Variants in KIRREL3 observed in about 807,000 individuals in gnomAD.
KIRREL3 encodes kirre like nephrin family adhesion molecule 3, also known as kin of IRRE-like protein 3.
In KIRREL3, 36 loss-of-function variants were observed where a neutral mutation model predicts 89.7. The ratio of observed to expected loss-of-function variants is 0.40; its 90% CI spans 0.31 to 0.53. KIRREL3 has a LOEUF of 0.53. Among genes scored for constraint, KIRREL3 ranks in the 20% least tolerant of loss-of-function variants. The probability of loss-of-function intolerance (pLI) is 0.49; values close to 1 mark genes in which losing one functional copy is unlikely to be tolerated. For synonymous variants in KIRREL3, 445 were observed against 441.4 expected (o/e 1.01, Z -0.10); for missense variants, 864 against 1,056.6 (o/e 0.82, Z 2.53).
intron 1 of KIRREL3, among the ~76,000 whole-genome samples, chr11:126,838,965 G>C (rs951090264): frequency 2.0e-5 from 3 of 152,148 alleles, no homozygotes; most frequent in African/African-American, 7.2e-5. Flanking sequence ...ACAGTGCTGT[G>C]GCTGGAGAGA....
intron 2 of KIRREL3, among the ~76,000 whole-genome samples, chr11:126,545,319 C>T (rs1004959094): frequency 1.3e-5 from 2 of 152,108 alleles, no homozygotes; most frequent in African/African-American, 2.4e-5. Context: ...CAAGGGGAGC[C>T]GTCTTTGCCT....
rs1194949214 is a variant in KIRREL3, at chr11:126,652,965, A to T, written c.56-90053T>A. On this transcript the variant is annotated intron_variant, in intron 1 of 16. Transcript: ENST00000525144. The surrounding 1 kb of genome is among the most constrained non-coding windows in gnomAD (Gnocchi z 4.9). ...AGTTTAATTTATATTTGATTAAAAA[A>T]GTCATTCATTCATGCATTCAGCAGC... 1 of 152,118 alleles carries T rather than the reference A, an allele frequency of 6.6e-6. No homozygotes were observed. The highest frequency in any genetic ancestry group is 2.1e-4 in the South Asian group (1 of 4,824). The allele number at this position is 152,118 out of a possible 1,614,324, so 9.4% of individuals were successfully genotyped here. A position where few individuals can be genotyped will look rare whatever the true frequency, so the allele number is the denominator to read the frequency against.
At position 126,763,639 on chromosome 11, in the gene KIRREL3, G is replaced by A. The variant is rs990507809; in HGVS notation, c.56-200727C>T. The stretch of plus-strand genomic sequence containing the variant: ...GTAGGCAATGGCCAGTGGGGCCAGC[G>A]CGGGTTTGAAATCTATCTTCCCCAT... On this transcript the variant is annotated intron_variant, in intron 1 of 16. Transcript: ENST00000525144. This position sits in a 1 kb window ranked among gnomAD's most constrained non-coding sequence, Gnocchi z 4.7. Among the ~76,000 whole-genome samples the A allele has an allele frequency of 4.6e-5, 7 of 152,168 alleles. No individual in the cohort carries two copies. Among genetic ancestry groups the A allele is most frequent in the East Asian group, 1.9e-4 (1 of 5,192 alleles).
At chr11:126,450,321 G>A (rs947524719) in intron 7 of KIRREL3, among the ~76,000 whole-genome samples, 2 of 151,306 alleles carry the variant, frequency 1.3e-5, no homozygotes, top group Non-Finnish European at 2.9e-5. Flanking sequence ...ATGTGCACGT[G>A]TGCATGTGTG....
intron 12 of KIRREL3, 104 bp from the exon 13 acceptor site, chr11:126,435,407 T>A: frequency 1.7e-6 from 2 of 1,152,266 alleles, no homozygotes; most frequent in Non-Finnish European, 2.6e-6. Flanking sequence ...GGGGCTCCTT[T>A]CCCAGTCATG....
At chr11:126,789,472 C>T (rs1323866168) in intron 1 of KIRREL3, among the ~76,000 whole-genome samples, 4 of 152,194 alleles carry the variant, frequency 2.6e-5, no homozygotes, top group Non-Finnish European at 5.9e-5. Flanking sequence ...CTCTGTATCC[C>T]CTCCTAGAAA....
intron 1 of KIRREL3, among the ~76,000 whole-genome samples, chr11:126,806,921 G>A (rs1285418058): frequency 1.3e-5 from 2 of 152,018 alleles, no homozygotes; most frequent in African/African-American, 4.8e-5. Context: ...TTATGAGTGA[G>A]AACATGTGGT....
chr11:126,580,592 C>A (rs111674868), intron 1 of KIRREL3, among the ~76,000 whole-genome samples: 8 of 152,174 alleles, frequency 5.3e-5, no homozygotes, highest in African/African-American at 1.7e-4. Flanking sequence ...TGTGATGGAG[C>A]CTCTAGTTCG....
In KIRREL3 at chr11:126,526,792, C is replaced by T. The variant is rs901409912; in HGVS notation, c.134-105G>A. On this transcript the variant is annotated intron_variant, in intron 2 of 16. Coordinates refer to ENST00000525144, the MANE Select transcript of KIRREL3 (RefSeq NM_032531.4). The surrounding 1 kb of genome is among the most constrained non-coding windows in gnomAD (Gnocchi z 5.7). ...AGCAGGGCTGGCGCAGGAGACTGAG[C>T]CTCCTGAAGCACCTGGCTTTCCTGC... 4.0e-5 allele frequency: 49 copies of T among 1,233,378 alleles called. 2 individuals carry two copies. In the Admixed American group the frequency reaches 1.0e-3, roughly 26 times the overall value. The allele number at this position is 1,233,378 out of a possible 1,614,324, so 76.4% of individuals were successfully genotyped here.
At chr11:126,437,721 T>C (rs966482233) in intron 11 of KIRREL3, among the ~76,000 whole-genome samples, 1 of 151,992 alleles carries the variant, frequency 6.6e-6, no homozygotes, top group African/African-American at 2.4e-5. Flanking sequence ...CCGAAATACA[T>C]GTACACATGC....
At position 127,000,484 on chromosome 11, in the gene KIRREL3, A is replaced by G. The variant is rs960778002; in HGVS notation, c.26T>C (p.Leu9Pro). 1 of 1,608,408 alleles carries G rather than the reference A, an allele frequency of 6.2e-7. No individual in the cohort carries two copies. Among genetic ancestry groups the G allele is most frequent in the African/African-American group, 1.3e-5 (1 of 74,950 alleles). Residue 9 changes from leucine (L) to proline (P), a missense_variant, in exon 1 of 17, where the codon CTC (leucine) becomes CCC (proline). Coordinates refer to ENST00000525144, the MANE Select transcript of KIRREL3 (RefSeq NM_032531.4). The surrounding 1 kb of genome is among the most constrained non-coding windows in gnomAD (Gnocchi z 7.1). ...ACTGAAGAGGAAGAAGCAGACGAAG[A>G]GCAGATCGAGCTGGAAGGGTTTCAT... MKPFQLDL[L>P]FVCFFLFSQE...
rs1486303640 is a variant in KIRREL3 at position 126,924,765 on chromosome 11, C to G, written c.55+75690G>C. On this transcript the variant is annotated intron_variant, in intron 1 of 16. Coordinates refer to ENST00000525144, the MANE Select transcript of KIRREL3 (RefSeq NM_032531.4). The surrounding 1 kb of genome is among the most constrained non-coding windows in gnomAD (Gnocchi z 4.7). Reference sequence around the variant, plus strand: ...TTGGCCAAGGTGATTAACTGGATGCCTGCTGTGTGCTCATCCCTGCCCCAT... The same window carrying G: ...TTGGCCAAGGTGATTAACTGGATGCGTGCTGTGTGCTCATCCCTGCCCCAT... 1.3e-5 allele frequency among the ~76,000 whole-genome samples: 2 copies of G among 152,142 alleles called. No individual in the cohort carries two copies. The highest frequency in any genetic ancestry group is 1.3e-4 in the Admixed American group (2 of 15,276).
At chr11:126,767,648 T>TTTCC (rs967126428) in intron 1 of KIRREL3, among the ~76,000 whole-genome samples, 23 of 152,294 alleles carry the variant, frequency 1.5e-4, no homozygotes, top group African/African-American at 4.6e-4. Flanking sequence ...TACATGTTAG[T>TTTCC]TTCCTTCCTT....
Position 126,904,729 on chromosome 11 carries a change from A to C in KIRREL3, c.55+95726T>G, listed in dbSNP as rs1175348106. On this transcript the variant is annotated intron_variant, in intron 1 of 16. Transcript: ENST00000525144. This position sits in a 1 kb window ranked among gnomAD's most constrained non-coding sequence, Gnocchi z 4.4. Reference sequence around the variant, plus strand: ...GGGGTCAAAGGAGGAAGTATGCATAATGTACATATTTAATCTTGTCTCGTC... The same window carrying C: ...GGGGTCAAAGGAGGAAGTATGCATACTGTACATATTTAATCTTGTCTCGTC... 6.6e-6 allele frequency among the ~76,000 whole-genome samples: 1 copy of C among 152,188 alleles called. No homozygotes were observed. Among genetic ancestry groups the C allele is most frequent in the Non-Finnish European group, 1.5e-5 (1 of 68,026 alleles).
chr11:126,522,951 A>G lies in KIRREL3; in HGVS notation c.284-1487T>C, dbSNP rs1373482409. The stretch of plus-strand genomic sequence containing the variant: ...GAGACGGGACACATTCAGCCTTTTA[A>G]AGAGAAGATGAGGGCTTAAGCAAGT... On this transcript the variant is annotated intron_variant, in intron 3 of 16. Coordinates refer to ENST00000525144, the MANE Select transcript of KIRREL3 (RefSeq NM_032531.4). This position sits in a 1 kb window ranked among gnomAD's most constrained non-coding sequence, Gnocchi z 6.0. Among the ~76,000 whole-genome samples the G allele has an allele frequency of 6.6e-6, 1 of 152,196 alleles. No individual in the cohort carries two copies. Among genetic ancestry groups the G allele is most frequent in the African/African-American group, 2.4e-5 (1 of 41,448 alleles).
rs745326477 is a variant in KIRREL3 at position 126,747,989 on chromosome 11, C to T, written c.56-185077G>A. 1.3e-5 allele frequency among the ~76,000 whole-genome samples: 2 copies of T among 152,192 alleles called. No homozygotes were observed. The highest frequency in any genetic ancestry group is 6.5e-5 in the Admixed American group (1 of 15,284). The stretch of plus-strand genomic sequence containing the variant: ...TACTCTTTCTCAGTCTCCATCTGAC[C>T]CGTGCCTAGCATCGTGGCCCCTGTA... On this transcript the variant is annotated intron_variant, in intron 1 of 16. Transcript: ENST00000525144. The surrounding 1 kb of genome is among the most constrained non-coding windows in gnomAD (Gnocchi z 4.7).
chr11:126,554,295 A>T (rs553094517), intron 2 of KIRREL3, among the ~76,000 whole-genome samples: 1 of 152,256 alleles, frequency 6.6e-6, no homozygotes, highest in African/African-American at 2.4e-5. Context: ...AAATGCCCTC[A>T]AGTGGAAATT....
At chr11:126,910,398 T>C (rs1474262352) in intron 1 of KIRREL3, among the ~76,000 whole-genome samples, 1 of 152,134 alleles carries the variant, frequency 6.6e-6, no homozygotes, top group Non-Finnish European at 1.5e-5. Flanking sequence ...GAAAAGATCT[T>C]GAAGCTTCTG....
rs945775991 is a variant in KIRREL3 at position 126,498,486 on chromosome 11, A to C, written c.433+22829T>G. Reference sequence around the variant, plus strand: ...CATCACACTATCCTGTCTGTCAGGTAAGGGGTGGCAGCGAGAGATAATTAT... The same window carrying C: ...CATCACACTATCCTGTCTGTCAGGTCAGGGGTGGCAGCGAGAGATAATTAT... On this transcript the variant is annotated intron_variant, in intron 4 of 16. Transcript: ENST00000525144. The surrounding 1 kb of genome is among the most constrained non-coding windows in gnomAD (Gnocchi z 4.3). Among the ~76,000 whole-genome samples the C allele has an allele frequency of 2.0e-5, 3 of 152,196 alleles. No individual in the cohort carries two copies. Among genetic ancestry groups the C allele is most frequent in the Admixed American group, 6.5e-5 (1 of 15,284 alleles).
Sources: gnomAD v4.1 joint callset for allele counts (sites outside exome capture counted in the v4.1 genomes callset) on GRCh38, gnomAD v4.1.1 for gene constraint, Gnocchi (gnomAD v3.1) non-coding constraint, MANE v1.5 for transcripts, NCBI Gene and HGNC (gene_info 2026-07-23, HGNC 2026-07-21) for gene names.